AOX1: variants seen among roughly 807,000 people sequenced by gnomAD.
AOX1 encodes the protein aldehyde oxidase.
Under a neutral mutation model 169.5 loss-of-function variants are expected in AOX1, and 153 were observed. The ratio of observed to expected loss-of-function variants is 0.90; its 90% CI spans 0.79 to 1.03. The LOEUF is 1.03. Ranked by LOEUF, AOX1 falls within the 50% of genes least tolerant of loss-of-function variation. The pLI is 0.00. For synonymous variants in AOX1, 562 were observed against 581.9 expected, an observed-to-expected ratio of 0.97 and a Z score of 0.49; for missense variants, 1,656 against 1,663.9, an observed-to-expected ratio of 1.00 and a Z score of 0.08.
chr2:200,654,322 T>TC (rs1420141049), intron 26 of AOX1, among the ~76,000 whole-genome samples: 1 of 149,540 alleles, frequency 6.7e-6, no homozygotes, highest in Admixed American at 6.7e-5. Flanking sequence ...GAAAAGACCC[T>TC]CCACCAGCAA....
chr2:200,638,115 C>T (rs565189834), intron 22 of AOX1, 100 bp from the exon 23 acceptor site: 12 of 961,830 alleles, frequency 1.2e-5, no homozygotes, highest in South Asian at 4.1e-5. Flanking sequence ...TTCTGTGAGG[C>T]GTGTAGGCTC....
At position 200,609,103 on chromosome 2, in the gene AOX1, A is replaced by G; in HGVS notation, c.1027A>G (p.Thr343Ala). 1.2e-6 allele frequency: 2 copies of G among 1,613,956 alleles called. No homozygotes were observed. The highest frequency in any genetic ancestry group is 1.7e-6 in the Non-Finnish European group (2 of 1,179,970). The change falls in exon 11 of 35, where the codon ACT becomes GCT. Residue 343 changes from threonine (T) to alanine (A), a missense_variant. Coordinates refer to ENST00000374700, the MANE Select transcript of AOX1 (RefSeq NM_001159.4). ...MYHALLKHLG[T>A]LAGSQIRNMA... ...CCATGCTCTCCTGAAGCATTTGGGA[A>G]CTCTGGCTGGGTCCCAGATCAGGAA...
chr2:200,661,931 A>AG (rs2035836364), intron 30 of AOX1, among the ~76,000 whole-genome samples: 1 of 152,298 alleles, frequency 6.6e-6, no homozygotes, highest in Non-Finnish European at 1.5e-5. Flanking sequence ...AATACTCGGC[A>AG]GTGGTTGACT....
chr2:200,604,233 A>AAAAGAG, intron 8 of AOX1, 136 bp downstream of exon 8: 3 of 687,076 alleles, frequency 4.4e-6, no homozygotes, highest in Non-Finnish European at 7.6e-6. Flanking sequence ...TCAAGGTCTA[A>AAAAGAG]AGAGTATGGA....
At chr2:200,608,623 G>A (rs2034565363) in intron 10 of AOX1, among the ~76,000 whole-genome samples, 1 of 152,120 alleles carries the variant, frequency 6.6e-6, no homozygotes, top group African/African-American at 2.4e-5. Context: ...CAGATTTAAG[G>A]AGATTATCTA....
chr2:200,592,898 AAAC>A (rs1206357973), intron 1 of AOX1, among the ~76,000 whole-genome samples: 4 of 152,210 alleles, frequency 2.6e-5, no homozygotes, highest in Non-Finnish European at 4.4e-5. Flanking sequence ...CTGTTAGCAG[AAAC>A]AACAATTGCC....
intron 28 of AOX1, among the ~76,000 whole-genome samples, 155 bp from the exon 29 acceptor site, chr2:200,659,840 A>G (rs1480956686): frequency 2.0e-5 from 3 of 151,870 alleles, no homozygotes; most frequent in African/African-American, 7.3e-5. Flanking sequence ...ACACACTCAT[A>G]TGAAACCTTT....
chr2:200,593,531 C>G (rs1193575130), intron 2 of AOX1, among the ~76,000 whole-genome samples: 1 of 151,992 alleles, frequency 6.6e-6, no homozygotes, highest in Non-Finnish European at 1.5e-5. Flanking sequence ...AATTATTATG[C>G]CCATTAGGAA....
chr2:200,673,708 A>G (rs1478570615), downstream of AOX1, among the ~76,000 whole-genome samples: 1 of 152,188 alleles, frequency 6.6e-6, no homozygotes, highest in Non-Finnish European at 1.5e-5. Context: ...AAACCCTTCA[A>G]TTGCTTCCTA....
At chr2:200,598,360 T>C (rs1452736556) in intron 4 of AOX1, among the ~76,000 whole-genome samples, 1 of 152,152 alleles carries the variant, frequency 6.6e-6, no homozygotes, top group Admixed American at 6.5e-5. Flanking sequence ...TTTTGGCTTT[T>C]CTCCTAAAGA....
intron 29 of AOX1, among the ~76,000 whole-genome samples, chr2:200,660,804 G>C (rs538768666): frequency 6.6e-6 from 1 of 152,280 alleles, no homozygotes; most frequent in East Asian, 1.9e-4. Context: ...ATGGAGTAAG[G>C]ACTCATTTTA....
At chr2:200,672,177 T>A (rs769452577), downstream of AOX1, among the ~76,000 whole-genome samples, 28 of 152,212 alleles carry the variant, frequency 1.8e-4, no homozygotes, top group Admixed American at 3.3e-4. Context: ...GGATTCCTTT[T>A]CGGGGTGAGA....
intron 27 of AOX1, among the ~76,000 whole-genome samples, chr2:200,657,161 C>CAAAAA (rs67071824): frequency 8.7e-4 from 72 of 82,926 alleles, no homozygotes; most frequent in Admixed American, 2.4e-3. Context: ...CCATCTCTAC[C>CAAAAA]AAAAATATAT....
At chr2:200,677,475 A>G (rs2036117098), downstream of AOX1, among the ~76,000 whole-genome samples, 1 of 152,094 alleles carries the variant, frequency 6.6e-6, no homozygotes, top group African/African-American at 2.4e-5. Context: ...CTCTTGTCCC[A>G]CCACCACCAT....
intron 16 of AOX1, among the ~76,000 whole-genome samples, chr2:200,617,454 C>G (rs2034785393): frequency 8.0e-6 from 1 of 125,058 alleles, no homozygotes; most frequent in African/African-American, 3.0e-5. Flanking sequence ...CAGCTTCTTT[C>G]ACCAGTAGAT....
At chr2:200,653,400 T>A (rs2035619623) in intron 26 of AOX1, among the ~76,000 whole-genome samples, 1 of 152,222 alleles carries the variant, frequency 6.6e-6, no homozygotes, top group South Asian at 2.1e-4. Context: ...TTGAGTGCCT[T>A]CTCCATGGAA....
chr2:200,671,856 T>TA (rs2036033468), downstream of AOX1, among the ~76,000 whole-genome samples: 1 of 152,164 alleles, frequency 6.6e-6, no homozygotes, highest in African/African-American at 2.4e-5. Flanking sequence ...CCCAAAAATG[T>TA]ATACATAACT....
chr2:200,609,167 G>A, intron 11 of AOX1, 32 bp downstream of exon 11: 1 of 1,611,050 alleles, frequency 6.2e-7, no homozygotes, highest in Non-Finnish European at 8.5e-7. Context: ...ACTCTGGTAT[G>A]CATCCCTTGG....
intron 5 of AOX1, among the ~76,000 whole-genome samples, chr2:200,601,816 C>T (rs1241796564): frequency 4.0e-5 from 6 of 151,872 alleles, no homozygotes; most frequent in African/African-American, 1.5e-4. Flanking sequence ...ACCTGTAGTC[C>T]CAGCTACTCG....
Sources: allele counts gnomAD v4.1 joint callset (sites outside exome capture counted in the v4.1 genomes callset), GRCh38; gene constraint gnomAD v4.1.1; transcripts MANE v1.5; gene names NCBI Gene and HGNC (gene_info 2026-07-23, HGNC 2026-07-21).